CTNNA3: variants seen among roughly 807,000 people sequenced by gnomAD.
The protein encoded by CTNNA3 is catenin alpha-3.
In CTNNA3, 76 loss-of-function variants were observed where a neutral mutation model predicts 95.7. That is an observed-to-expected ratio of 0.79 (90% CI 0.66 to 0.96). CTNNA3 has a LOEUF of 0.96. Among genes scored for constraint, CTNNA3 ranks in the 40% least tolerant of loss-of-function variants. The pLI is 0.00. For missense variants in CTNNA3, 1,191 were observed against 1,089.8 expected, an observed-to-expected ratio of 1.09 and a Z score of -1.31; for synonymous variants, 431 against 374.4, an observed-to-expected ratio of 1.15 and a Z score of -1.74.
At chr10:67,563,225 C>T (rs1353729011) in intron 3 of CTNNA3, among the ~76,000 whole-genome samples, 1 of 152,150 alleles carries the variant, frequency 6.6e-6, no homozygotes, top group Non-Finnish European at 1.5e-5. Context: ...CATCACACTA[C>T]CTGACTTCAA....
chr10:66,422,878 C>CCG (rs952880960), intron 11 of CTNNA3, among the ~76,000 whole-genome samples: 5 of 150,452 alleles, frequency 3.3e-5, no homozygotes, highest in African/African-American at 1.2e-4. Flanking sequence ...GATCCACCTC[C>CCG]CTCGGCCTAC....
chr10:67,506,501 A>T (rs1189590026), intron 5 of CTNNA3, among the ~76,000 whole-genome samples: 1 of 152,236 alleles, frequency 6.6e-6, no homozygotes, highest in African/African-American at 2.4e-5. Flanking sequence ...CCCTCAGGTA[A>T]TCAGCCCCTA....
intron 13 of CTNNA3, among the ~76,000 whole-genome samples, chr10:66,141,242 A>G (rs2083601031): frequency 6.6e-6 from 1 of 151,662 alleles, no homozygotes; most frequent in African/African-American, 2.4e-5. Flanking sequence ...CTGGCAATAG[A>G]GTGAGAAGAC....
At chr10:67,659,540 G>A (rs975977799) in intron 1 of CTNNA3, among the ~76,000 whole-genome samples, 1 of 152,074 alleles carries the variant, frequency 6.6e-6, no homozygotes, top group Non-Finnish European at 1.5e-5. Flanking sequence ...CAGCATGAAG[G>A]TTACCTACAT....
chr10:66,466,766 G>C (rs778759741), intron 11 of CTNNA3, among the ~76,000 whole-genome samples: 1 of 152,030 alleles, frequency 6.6e-6, no homozygotes, highest in Non-Finnish European at 1.5e-5. Flanking sequence ...ATTTATCACA[G>C]ATCTTATCCT....
At chr10:67,107,830 T>C (rs549543384) in intron 7 of CTNNA3, among the ~76,000 whole-genome samples, 4 of 152,280 alleles carry the variant, frequency 2.6e-5, no homozygotes, top group Admixed American at 2.6e-4. Flanking sequence ...TTCCAGTCCA[T>C]TTGCAGCAAG....
chr10:66,357,757 G>A (rs1221126638), intron 12 of CTNNA3, among the ~76,000 whole-genome samples: 1 of 151,968 alleles, frequency 6.6e-6, no homozygotes, highest in Non-Finnish European at 1.5e-5. Context: ...CTATAAGTAC[G>A]CATGTGTAAG....
At chr10:66,672,190 G>A (rs1846686383) in intron 9 of CTNNA3, among the ~76,000 whole-genome samples, 2 of 152,064 alleles carry the variant, frequency 1.3e-5, no homozygotes. Context: ...CCGCTACAAA[G>A]ATGCTATCGA....
At chr10:65,963,530 A>G (rs1370140133) in intron 17 of CTNNA3, among the ~76,000 whole-genome samples, 1 of 152,202 alleles carries the variant, frequency 6.6e-6, no homozygotes, top group East Asian at 1.9e-4. Flanking sequence ...CTCACTTGCT[A>G]TACATGTACA....
chr10:66,688,127 G>A lies in CTNNA3; in HGVS notation c.1282-66343C>T, dbSNP rs150833505. ...TTGCATTTTGACTTCTTCCCTGGTA[G>A]ACAAGGCTAGAAGGAAACAGGATTT... On this transcript the variant is annotated intron_variant, in intron 9 of 17. Transcript: ENST00000433211. Among the ~76,000 whole-genome samples the A allele has an allele frequency of 6.6e-5, 10 of 152,234 alleles. No individual in the cohort carries two copies. The East Asian group carries it at 1.9e-3, about 29-fold the overall frequency.
chr10:66,522,214 G>A (rs116256850), intron 10 of CTNNA3, among the ~76,000 whole-genome samples: 127 of 152,106 alleles, frequency 8.3e-4, no homozygotes, highest in African/African-American at 2.9e-3. Flanking sequence ...TTTATTTGGG[G>A]CATTGTCTCT....
At chr10:65,921,505 C>T (rs533982905) in intron 17 of CTNNA3, among the ~76,000 whole-genome samples, 2 of 152,364 alleles carry the variant, frequency 1.3e-5, no homozygotes, top group South Asian at 2.1e-4. Flanking sequence ...ATGCTTTCTA[C>T]TCGTAGGACA....
chr10:67,218,400 A>G (rs1415096238), intron 6 of CTNNA3, among the ~76,000 whole-genome samples: 1 of 152,192 alleles, frequency 6.6e-6, no homozygotes. Flanking sequence ...CAGTGACTGA[A>G]AGAGACATAC....
At chr10:67,309,070 C>G (rs1211088874) in intron 5 of CTNNA3, among the ~76,000 whole-genome samples, 2 of 152,008 alleles carry the variant, frequency 1.3e-5, no homozygotes, top group African/African-American at 4.8e-5. Flanking sequence ...TAAATAGCAC[C>G]ATTACAATTA....
chr10:67,295,323 T>C (rs970202537), intron 5 of CTNNA3, among the ~76,000 whole-genome samples: 2 of 152,216 alleles, frequency 1.3e-5, no homozygotes, highest in African/African-American at 4.8e-5. Flanking sequence ...AGTTAATTCA[T>C]GACAACAGAT....
At position 66,124,867 on chromosome 10, in the gene CTNNA3, C is replaced by T. The variant is rs115586903; in HGVS notation, c.1885-21618G>A. Among the ~76,000 whole-genome samples the T allele has an allele frequency of 1.0e-2, 1,519 of 152,202 alleles. 34 individuals carry two copies. Among genetic ancestry groups the T allele is most frequent in the African/African-American group, 0.035 (1,438 of 41,528 alleles). On this transcript the variant is annotated intron_variant, in intron 13 of 17. Coordinates refer to ENST00000433211, the MANE Select transcript of CTNNA3 (RefSeq NM_013266.4). ...TCCATCACCTCCCACTAGGTTCCTC[C>T]GATGACACATGGGAATTGTGAGAGT...
At chr10:66,959,548 G>A (rs183408089) in intron 7 of CTNNA3, among the ~76,000 whole-genome samples, 1 of 152,202 alleles carries the variant, frequency 6.6e-6, no homozygotes, top group Non-Finnish European at 1.5e-5. Context: ...CCATGAGCTT[G>A]GGAAAGAGAA....
chr10:66,586,814 A>G (rs1843375005), intron 10 of CTNNA3, among the ~76,000 whole-genome samples: 1 of 152,104 alleles, frequency 6.6e-6, no homozygotes, highest in South Asian at 2.1e-4. Context: ...ACTTCTCACA[A>G]GTGGGAAGTT....
intron 7 of CTNNA3, among the ~76,000 whole-genome samples, chr10:67,028,948 T>C (rs1387981107): frequency 6.6e-6 from 1 of 152,176 alleles, no homozygotes; most frequent in East Asian, 1.9e-4. Flanking sequence ...TACCACATAC[T>C]TAGAAATTAG....
Sources: gnomAD v4.1 joint callset for allele counts (sites outside exome capture counted in the v4.1 genomes callset) on GRCh38, gnomAD v4.1.1 for gene constraint, MANE v1.5 for transcripts, NCBI Gene and HGNC (gene_info 2026-07-23, HGNC 2026-07-21) for gene names.